The following DIAPH2 variants were observed in gnomAD, a reference collection of about 807,000 sequenced individuals.
DIAPH2 encodes the protein protein diaphanous homolog 2.
A neutral mutation model predicts 92.7 loss-of-function variants in DIAPH2; 35 were observed. The ratio of observed to expected loss-of-function variants is 0.38; its 90% confidence interval spans 0.29 to 0.50. The LOEUF (loss-of-function observed/expected upper bound fraction) is 0.50, where lower values mean the gene tolerates loss of function less well. Ranked by LOEUF, DIAPH2 falls within the 20% of genes least tolerant of loss-of-function variation. The pLI is 0.94. For missense variants in DIAPH2, 701 were observed against 819.5 expected (o/e 0.86, Z 1.77); for synonymous variants, 301 against 280.4 (o/e 1.07, Z -0.73).
rs35900263 is a variant in DIAPH2 at position 97,295,734 on chromosome X, C to CTT, written c.2844+47908_2844+47909dup. ...AAATTAATACATGCTGTATTTTCTT[C>CTT]TTTTTTTTTTTTTTGAGATGGAGTT... On this transcript the variant is annotated intron_variant, in intron 23 of 26. Coordinates refer to ENST00000324765, the MANE Select transcript of DIAPH2 (RefSeq NM_006729.5). Among the ~76,000 whole-genome samples the CTT allele has an allele frequency of 9.8e-4, 96 of 98,282 alleles. 1 individual carries two copies. In the South Asian group the frequency reaches 0.015, roughly 15 times the overall value. 85.3% of individuals were successfully genotyped at this position (98,282 alleles called of 115,157 possible).
chrX:96,995,874 T>A (rs1295651921), intron 17 of DIAPH2, among the ~76,000 whole-genome samples: 1 of 109,650 alleles, frequency 9.1e-6, no homozygotes, highest in African/African-American at 3.3e-5. Context: ...ATTAAAAAAA[T>A]GTGACATCAG....
chrX:97,349,409 TAACA>T (rs974771928), intron 24 of DIAPH2, among the ~76,000 whole-genome samples: 14 of 111,297 alleles, frequency 1.3e-4, no homozygotes, highest in Non-Finnish European at 2.4e-4. Flanking sequence ...GAAGATCAGT[TAACA>T]AACAAATTCA....
chrX:97,300,931 T>TAAAAAA lies in DIAPH2; in HGVS notation c.2845-47156_2845-47151dup, dbSNP rs774601881. ...TGGGCCACAGAGCAAGACTCCGTCT[T>TAAAAAA]AAAAAAAAAAAAAAAAAAAAAAAAA... is the stretch of plus-strand genomic sequence containing the variant. On this transcript the variant is annotated intron_variant, in intron 23 of 26. Coordinates refer to ENST00000324765, the MANE Select transcript of DIAPH2 (RefSeq NM_006729.5). 8.1e-3 allele frequency among the ~76,000 whole-genome samples: 87 copies of TAAAAAA among 10,755 alleles called. 7 individuals carry two copies. Among genetic ancestry groups the TAAAAAA allele is most frequent in the Non-Finnish European group, 9.7e-3 (61 of 6,273 alleles). 9.3% of individuals were successfully genotyped at this position (10,755 alleles called of 115,157 possible). A position where few individuals can be genotyped will look rare whatever the true frequency, so the allele number is the denominator to read the frequency against.
intron 26 of DIAPH2, among the ~76,000 whole-genome samples, chrX:97,496,238 C>T (rs959557533): frequency 1.1e-5 from 1 of 91,718 alleles, no homozygotes; most frequent in Non-Finnish European, 2.0e-5. Context: ...TGCAATGGCG[C>T]GATCTTGGCT....
chrX:96,871,469 CAAAAAAAAAAAA>C (rs34852539), intron 4 of DIAPH2, among the ~76,000 whole-genome samples: 1 of 28,816 alleles, frequency 3.5e-5, no homozygotes, highest in African/African-American at 1.4e-4. Flanking sequence ...GACTCCGTCT[CAAAAAAAAAAAA>C]AAAAAAAAAA....
intron 25 of DIAPH2, among the ~76,000 whole-genome samples, chrX:97,385,883 A>C (rs1419114623): frequency 4.4e-5 from 5 of 112,418 alleles, no homozygotes; most frequent in Non-Finnish European, 9.4e-5. Flanking sequence ...ACTGAGGCAC[A>C]GAGAAGTTAA....
At chrX:97,465,308 T>C (rs1018540168) in intron 26 of DIAPH2, among the ~76,000 whole-genome samples, 3 of 110,447 alleles carry the variant, frequency 2.7e-5, no homozygotes, top group Admixed American at 9.6e-5. Context: ...TATGCGTTTA[T>C]CTATATTATA....
rs753342998 is a variant in DIAPH2 at position 97,014,696 on chromosome X, G to A, written c.2050+49489G>A. On this transcript the variant is annotated intron_variant, in intron 17 of 26. Transcript: ENST00000324765. Reference sequence around the variant, plus strand: ...TGTGGTGCTTAATGGCAATGAAAACGCGTCAGTGTGCTTGATTTGGAAACA... The same window carrying A: ...TGTGGTGCTTAATGGCAATGAAAACACGTCAGTGTGCTTGATTTGGAAACA... Among the ~76,000 whole-genome samples, 44 of 111,986 alleles carry A rather than the reference G, an allele frequency of 3.9e-4. No homozygotes were observed. In the South Asian group the frequency reaches 9.0e-3, roughly 23 times the overall value.
chrX:97,185,483 A>ATGTGTGTG (rs1569323413), intron 22 of DIAPH2, among the ~76,000 whole-genome samples: 2 of 8,584 alleles, frequency 2.3e-4, no homozygotes, highest in Middle Eastern at 0.1. Context: ...ACATATATAT[A>ATGTGTGTG]TATATATATA....
chrX:96,968,942 G>A (rs2147829235), intron 17 of DIAPH2, among the ~76,000 whole-genome samples: 1 of 112,392 alleles, frequency 8.9e-6, no homozygotes, highest in African/African-American at 3.2e-5. Flanking sequence ...TCTGCATATG[G>A]CTAGCCAGCT....
At chrX:97,251,722 C>G (rs1186670657) in intron 23 of DIAPH2, among the ~76,000 whole-genome samples, 1 of 111,904 alleles carries the variant, frequency 8.9e-6, no homozygotes, top group African/African-American at 3.2e-5. Flanking sequence ...AGCGCCCGGC[C>G]TATGTGAAAG....
intron 1 of DIAPH2, among the ~76,000 whole-genome samples, chrX:96,704,777 A>G (rs1302454051): frequency 9.0e-6 from 1 of 111,137 alleles, no homozygotes; most frequent in East Asian, 2.8e-4. Flanking sequence ...CAAGGAATTT[A>G]CAATATTATA....
intron 24 of DIAPH2, among the ~76,000 whole-genome samples, chrX:97,366,681 A>G (rs1307385190): frequency 9.0e-6 from 1 of 111,711 alleles, no homozygotes; most frequent in East Asian, 2.8e-4. Context: ...ACTATTCTTC[A>G]AACATACCTT....
intron 24 of DIAPH2, among the ~76,000 whole-genome samples, chrX:97,354,770 C>G (rs1226835842): frequency 8.9e-6 from 1 of 112,796 alleles, no homozygotes; most frequent in Non-Finnish European, 1.9e-5. Context: ...GAATGGGCCG[C>G]AGTCACTTAG....
At chrX:97,439,444 G>A (rs1161258294) in intron 26 of DIAPH2, among the ~76,000 whole-genome samples, 3 of 110,369 alleles carry the variant, frequency 2.7e-5, no homozygotes, top group East Asian at 5.8e-4. Flanking sequence ...GTGGTGGCAC[G>A]CGCCTGTAAT....
intron 24 of DIAPH2, among the ~76,000 whole-genome samples, chrX:97,364,656 A>C (rs1317268080): frequency 2.7e-5 from 3 of 109,904 alleles, no homozygotes; most frequent in South Asian, 4.0e-4. Context: ...TCCCTACTCT[A>C]CCTTATGGTA....
chrX:97,457,529 A>C (rs2070418068), intron 26 of DIAPH2, among the ~76,000 whole-genome samples: 1 of 112,036 alleles, frequency 8.9e-6, no homozygotes, highest in Admixed American at 9.5e-5. Flanking sequence ...AGAATTTGGG[A>C]GCAGCTTAGC....
intron 9 of DIAPH2, among the ~76,000 whole-genome samples, chrX:96,926,784 C>A (rs1447174305): frequency 2.7e-5 from 3 of 111,247 alleles, no homozygotes; most frequent in Non-Finnish European, 3.8e-5. Flanking sequence ...AATGAAAATG[C>A]AAATATAGAA....
In DIAPH2 at chrX:97,180,495, G is replaced by A. The variant is rs932454424; in HGVS notation, c.2719+38701G>A. Among the ~76,000 whole-genome samples the A allele has an allele frequency of 3.6e-5, 4 of 111,814 alleles. No individual in the cohort carries two copies. The South Asian group carries it at 1.5e-3, about 42-fold the overall frequency. ...TGCTAGTTTCTTTTGCTGTGCAGAA[G>A]CTCTTTAGTTTAATTAGATCCCCTT... On this transcript the variant is annotated intron_variant, in intron 22 of 26. Transcript: ENST00000324765.
Sources: allele counts gnomAD v4.1 joint callset (sites outside exome capture counted in the v4.1 genomes callset), GRCh38; gene constraint gnomAD v4.1.1; transcripts MANE v1.5; gene names NCBI Gene and HGNC (gene_info 2026-07-23, HGNC 2026-07-21).